SH3BGRL: variants seen among roughly 807,000 people sequenced by gnomAD.
The protein encoded by SH3BGRL is adapter SH3BGRL.
Under a neutral mutation model 9.8 loss-of-function variants are expected in SH3BGRL, and 7 were observed. The ratio of observed to expected loss-of-function variants is 0.72; its 90% confidence interval spans 0.41 to 1.35. The LOEUF (loss-of-function observed/expected upper bound fraction) is 1.35, where lower values mean the gene tolerates loss of function less well. SH3BGRL is among the 40% of genes most tolerant of loss of function. The pLI is 0.01. For missense variants in SH3BGRL, 73 were observed against 84.4 expected (o/e 0.86, Z 0.53); for synonymous variants, 36 against 29.1 (o/e 1.24, Z -0.76).
At chrX:81,280,467 G>A (rs111770199) in intron 3 of SH3BGRL, among the ~76,000 whole-genome samples, 1,816 of 111,747 alleles carry the variant, frequency 0.016, 34 homozygotes, top group African/African-American at 0.056. Context: ...GCATGGCTGA[G>A]AGACCCATAG....
At chrX:81,254,666 C>A (rs1326342829) in intron 1 of SH3BGRL, among the ~76,000 whole-genome samples, 2 of 111,262 alleles carry the variant, frequency 1.8e-5, no homozygotes, top group Non-Finnish European at 3.8e-5. Flanking sequence ...ACCATGTGGA[C>A]CCACCATCAG....
At chrX:81,265,129 C>G (rs977486111) in intron 1 of SH3BGRL, among the ~76,000 whole-genome samples, 1 of 105,939 alleles carries the variant, frequency 9.4e-6, no homozygotes, top group Non-Finnish European at 1.9e-5. Flanking sequence ...TAAGCCTTAA[C>G]GTGTTTTTAG....
chrX:81,226,869 G>A (rs1371056873), intron 1 of SH3BGRL, among the ~76,000 whole-genome samples: 6 of 110,931 alleles, frequency 5.4e-5, no homozygotes, highest in African/African-American at 2.0e-4. Context: ...CCACCACCTT[G>A]GTTTTAGCCC....
intron 1 of SH3BGRL, among the ~76,000 whole-genome samples, chrX:81,222,731 G>T (rs1321374989): frequency 9.0e-6 from 1 of 111,116 alleles, no homozygotes; most frequent in Admixed American, 9.6e-5. Flanking sequence ...AGTTCCAAAT[G>T]CCTGAGGAAT....
intron 1 of SH3BGRL, among the ~76,000 whole-genome samples, chrX:81,236,371 A>G (rs757158665): frequency 9.8e-5 from 11 of 112,053 alleles, no homozygotes; most frequent in Non-Finnish European, 2.1e-4. Context: ...AGGTGAAGAC[A>G]AAGGACATTC....
chrX:81,203,923 G>A (rs1028092313), intron 1 of SH3BGRL, among the ~76,000 whole-genome samples: 1 of 109,060 alleles, frequency 9.2e-6, no homozygotes, highest in South Asian at 4.0e-4. Context: ...AGATTCAGAG[G>A]GTACATGTGC....
At chrX:81,233,499 C>A (rs1306179440) in intron 1 of SH3BGRL, among the ~76,000 whole-genome samples, 1 of 111,381 alleles carries the variant, frequency 9.0e-6, no homozygotes, top group Admixed American at 9.5e-5. Context: ...ATACCTTGCC[C>A]AAGGTTATAT....
At chrX:81,277,241 C>T (rs746391539) in intron 2 of SH3BGRL, 72 bp downstream of exon 2, 1 of 878,914 alleles carries the variant, frequency 1.1e-6, no homozygotes, top group African/African-American at 2.0e-5. Context: ...TTCACCTCTG[C>T]CTCCAAGCCT....
At chrX:81,288,498 T>C (rs1224915479) in intron 3 of SH3BGRL, among the ~76,000 whole-genome samples, 3 of 112,001 alleles carry the variant, frequency 2.7e-5, no homozygotes, top group Admixed American at 1.9e-4. Context: ...AGTCAAATTA[T>C]CCCTGTTTGC....
intron 1 of SH3BGRL, among the ~76,000 whole-genome samples, chrX:81,216,640 A>G (rs766943611): frequency 2.7e-5 from 3 of 110,828 alleles, no homozygotes; most frequent in African/African-American, 9.8e-5. Flanking sequence ...CTCTATCTCC[A>G]TGAGTTCAAT....
chrX:81,272,839 A>T (rs1401768907), intron 1 of SH3BGRL, among the ~76,000 whole-genome samples: 2 of 111,353 alleles, frequency 1.8e-5, no homozygotes, highest in Non-Finnish European at 3.8e-5. Context: ...GACCCTTCCT[A>T]GGGTAGCATT....
intron 1 of SH3BGRL, among the ~76,000 whole-genome samples, chrX:81,263,379 A>G (rs901020902): frequency 9.0e-6 from 1 of 111,602 alleles, no homozygotes; most frequent in Non-Finnish European, 1.9e-5. Context: ...TATGTGTTTC[A>G]ATTCTTTGAA....
At chrX:81,279,817 G>C (rs1403649821) in intron 3 of SH3BGRL, among the ~76,000 whole-genome samples, 1 of 111,380 alleles carries the variant, frequency 9.0e-6, no homozygotes, top group Non-Finnish European at 1.9e-5. Context: ...AATTCGAAAG[G>C]GGAAGAAGCC....
chrX:81,207,751 C>G lies in SH3BGRL; in HGVS notation c.45+5506C>G, dbSNP rs2075551564. ...CCTAACAGTGGAAAATGGCAGCTTT[C>G]ACATGGCAAATGTGGAGACTCAAGA... On this transcript the variant is annotated intron_variant, in intron 1 of 3. Transcript: ENST00000373212. Among the ~76,000 whole-genome samples the G allele has an allele frequency of 3.6e-5, 4 of 111,648 alleles. No homozygotes were observed. In the Admixed American group the frequency reaches 3.8e-4, roughly 11 times the overall value.
chrX:81,258,616 G>C (rs2075732524), intron 1 of SH3BGRL, among the ~76,000 whole-genome samples: 1 of 112,295 alleles, frequency 8.9e-6, no homozygotes, highest in Non-Finnish European at 1.9e-5. Flanking sequence ...GAGAGAAGTG[G>C]GGAGAATTAT....
intron 1 of SH3BGRL, among the ~76,000 whole-genome samples, chrX:81,271,495 G>A (rs2075779470): frequency 8.9e-6 from 1 of 112,043 alleles, no homozygotes; most frequent in African/African-American, 3.2e-5. Context: ...AGGGGTGCAG[G>A]TGAGGAATGA....
intron 1 of SH3BGRL, among the ~76,000 whole-genome samples, chrX:81,238,699 A>G (rs1476294459): frequency 9.1e-6 from 1 of 109,878 alleles, no homozygotes; most frequent in Non-Finnish European, 1.9e-5. Flanking sequence ...ACACAGTGCT[A>G]TGTTTGCTTC....
At chrX:81,244,160 A>C (rs2075680938) in intron 1 of SH3BGRL, among the ~76,000 whole-genome samples, 1 of 111,558 alleles carries the variant, frequency 9.0e-6, no homozygotes, top group South Asian at 3.7e-4. Flanking sequence ...TCTTCCATGC[A>C]AATCTTCACA....
intron 1 of SH3BGRL, among the ~76,000 whole-genome samples, chrX:81,254,985 G>T (rs1351648033): frequency 2.8e-5 from 3 of 108,845 alleles, no homozygotes; most frequent in Non-Finnish European, 5.7e-5. Flanking sequence ...TTGCCTCTGG[G>T]TTCAAGCGAT....
Sources: allele counts gnomAD v4.1 joint callset (sites outside exome capture counted in the v4.1 genomes callset), GRCh38; gene constraint gnomAD v4.1.1; transcripts MANE v1.5; gene names NCBI Gene and HGNC (gene_info 2026-07-23, HGNC 2026-07-21).